The following NAV2 variants were observed in gnomAD, a reference collection of about 807,000 sequenced individuals.
The protein encoded by NAV2 is helicase, APC down-regulated 1.
NAV2 carries 54 observed loss-of-function variants against 223.2 expected under a neutral mutation model. The ratio of observed to expected loss-of-function variants is 0.24; its 90% CI spans 0.19 to 0.30. NAV2 has a LOEUF of 0.30. Among genes scored for constraint, NAV2 ranks in the 10% least tolerant of loss-of-function variants. The probability of loss-of-function intolerance (pLI) is 1.00; values close to 1 mark genes in which losing one functional copy is unlikely to be tolerated. For missense variants in NAV2, 2,806 were observed against 3,147.5 expected (o/e 0.89, Z 2.60); for synonymous variants, 1,279 against 1,239.3 (o/e 1.03, Z -0.67).
chr11:19,929,740 G>A (rs1371193256), intron 6 of NAV2, among the ~76,000 whole-genome samples: 2 of 152,072 alleles, frequency 1.3e-5, no homozygotes, highest in Non-Finnish European at 2.9e-5. Flanking sequence ...AATATGACTT[G>A]CAAATGTCAA....
At chr11:19,690,686 A>G (rs2049148872) in intron 1 of NAV2, among the ~76,000 whole-genome samples, 1 of 151,918 alleles carries the variant, frequency 6.6e-6, no homozygotes, top group Non-Finnish European at 1.5e-5. Context: ...ACAAAACAAA[A>G]CCCTCCCTAG....
chr11:19,648,978 A>G (rs1210827981), intron 1 of NAV2, among the ~76,000 whole-genome samples: 1 of 152,076 alleles, frequency 6.6e-6, no homozygotes, highest in Admixed American at 6.6e-5. Flanking sequence ...GATGTTTTGT[A>G]ATTGGGTTTT....
At chr11:19,512,032 T>A (rs1457929617) in intron 1 of NAV2, among the ~76,000 whole-genome samples, 1 of 152,188 alleles carries the variant, frequency 6.6e-6, no homozygotes, top group Non-Finnish European at 1.5e-5. Flanking sequence ...CCCTGCCTAA[T>A]GCCTTTTGTA....
In NAV2 at chr11:19,425,515, A is replaced by G. The variant is rs528008955; in HGVS notation, c.75+74488A>G. Among the ~76,000 whole-genome samples, 13 of 152,298 alleles carry G rather than the reference A, an allele frequency of 8.5e-5. No homozygotes were observed. The South Asian group carries it at 1.9e-3, about 22-fold the overall frequency. Reference sequence around the variant, plus strand: ...CTTACATGCGTGGGAACTGAGACCTAGAGAATTAGAGGGGCATGTAGCCAG... The same window carrying G: ...CTTACATGCGTGGGAACTGAGACCTGGAGAATTAGAGGGGCATGTAGCCAG... On this transcript the variant is annotated intron_variant, in intron 1 of 37. Coordinates refer to the NAV2 transcript ENST00000360655.
At chr11:20,054,428 A>G (rs1292618601) in intron 18 of NAV2, among the ~76,000 whole-genome samples, 188 bp downstream of exon 18, 1 of 152,184 alleles carries the variant, frequency 6.6e-6, no homozygotes, top group East Asian at 1.9e-4. Context: ...ACATTTTGAA[A>G]TAGACATATA....
chr11:19,439,636 A>G (rs1208169610), intron 1 of NAV2, among the ~76,000 whole-genome samples: 1 of 152,230 alleles, frequency 6.6e-6, no homozygotes, highest in Admixed American at 6.5e-5. Context: ...TTTATTTTCT[A>G]TGTCCCAATG....
intron 1 of NAV2, among the ~76,000 whole-genome samples, chr11:19,769,575 C>T (rs56374255): frequency 0.11 from 16,713 of 152,166 alleles, 1,003 homozygotes; most frequent in Non-Finnish European, 0.13. Context: ...TCACTGGAGG[C>T]ACCCTCTCCT....
intron 6 of NAV2, among the ~76,000 whole-genome samples, chr11:19,932,206 T>G (rs1251757373): frequency 1.8e-5 from 2 of 111,798 alleles, no homozygotes; most frequent in Non-Finnish European, 3.3e-5. Context: ...TGGCCCACAG[T>G]GAACCCATTG....
chr11:19,673,181 A>G (rs1565156198), intron 1 of NAV2, among the ~76,000 whole-genome samples: 1 of 152,198 alleles, frequency 6.6e-6, no homozygotes, highest in Admixed American at 6.5e-5. Flanking sequence ...TCCACACGCA[A>G]CCCTGTAATG....
intron 3 of NAV2, among the ~76,000 whole-genome samples, chr11:19,858,818 C>A (rs2061525514): frequency 6.6e-6 from 1 of 152,224 alleles, no homozygotes; most frequent in Non-Finnish European, 1.5e-5. Context: ...ACTAGTGTCA[C>A]ATAATTTAAC....
chr11:19,495,659 T>C (rs1267317466), intron 1 of NAV2, among the ~76,000 whole-genome samples: 1 of 152,230 alleles, frequency 6.6e-6, no homozygotes, highest in Admixed American at 6.5e-5. Flanking sequence ...TATCTGCTCT[T>C]ATAAAGCCTA....
At chr11:19,548,113 T>C (rs2044564418) in intron 1 of NAV2, among the ~76,000 whole-genome samples, 1 of 152,232 alleles carries the variant, frequency 6.6e-6, no homozygotes, top group Non-Finnish European at 1.5e-5. Context: ...GTTCGTAGGA[T>C]AGGTTTAGCA....
chr11:19,781,265 G>A (rs997104340), intron 1 of NAV2, among the ~76,000 whole-genome samples: 2 of 152,202 alleles, frequency 1.3e-5, no homozygotes, highest in Non-Finnish European at 2.9e-5. Flanking sequence ...TGCAGGGCCT[G>A]CTGCTGAGGT....
At chr11:19,452,092 C>G (rs7108267) in intron 1 of NAV2, among the ~76,000 whole-genome samples, 1,568 of 149,308 alleles carry the variant, frequency 0.011, 31 homozygotes, top group African/African-American at 0.036. Context: ...CTGGTCAGTT[C>G]TATTAGGTTA....
At chr11:19,514,452 C>G (rs2043378436) in intron 1 of NAV2, among the ~76,000 whole-genome samples, 1 of 152,196 alleles carries the variant, frequency 6.6e-6, no homozygotes, top group Admixed American at 6.5e-5. Flanking sequence ...CTCCTCAACC[C>G]AATTCTCCCC....
chr11:19,499,955 TG>T lies in NAV2; in HGVS notation c.75+148930del, dbSNP rs2042911612. On this transcript the variant is annotated intron_variant, in intron 1 of 37. Coordinates refer to the NAV2 transcript ENST00000360655. ...CTCTGTAGTAAATTGACTCTATCAG[TG>T]GCCCTGATTCTATATATATATACAC... 2.0e-5 allele frequency among the ~76,000 whole-genome samples: 3 copies of T among 152,084 alleles called. No individual in the cohort carries two copies. In the South Asian group the frequency reaches 6.2e-4, roughly 32 times the overall value.
chr11:19,808,044 A>G (rs2058668713), intron 1 of NAV2, among the ~76,000 whole-genome samples: 1 of 152,194 alleles, frequency 6.6e-6, no homozygotes, highest in Non-Finnish European at 1.5e-5. Context: ...AGACCTGGCT[A>G]TGCGTCCTTA....
In NAV2 at chr11:19,769,869, A is replaced by G. The variant is rs941716149; in HGVS notation, c.267+55907A>G. ...TATTAGGGAGGCACTCAGTTCCTCA[A>G]TAGTTCCCAGGAAACATAGACCACA... On this transcript the variant is annotated intron_variant, in intron 1 of 37. Transcript: ENST00000349880. 6.6e-5 allele frequency among the ~76,000 whole-genome samples: 10 copies of G among 152,334 alleles called. No individual in the cohort carries two copies. The East Asian group carries it at 1.2e-3, about 18-fold the overall frequency.
chr11:19,366,451 A>T (rs1848284434), intron 1 of NAV2, among the ~76,000 whole-genome samples: 1 of 151,718 alleles, frequency 6.6e-6, no homozygotes, highest in Admixed American at 6.6e-5. Flanking sequence ...TTTCCTTGGG[A>T]TGCTAGTTTG....
Sources: gnomAD v4.1 joint callset for allele counts (sites outside exome capture counted in the v4.1 genomes callset) on GRCh38, gnomAD v4.1.1 for gene constraint, MANE v1.5 for transcripts, NCBI Gene and HGNC (gene_info 2026-07-23, HGNC 2026-07-21) for gene names.